Variants in PCSK5 observed in about 807,000 individuals in gnomAD.
PCSK5 encodes prohormone convertase 5.
A neutral mutation model predicts 233.2 loss-of-function variants in PCSK5; 129 were observed. The ratio of observed to expected loss-of-function variants is 0.55; its 90% confidence interval spans 0.48 to 0.64. The LOEUF (loss-of-function observed/expected upper bound fraction) is 0.64, where lower values mean the gene tolerates loss of function less well. PCSK5 is among the 30% of genes least tolerant of loss of function. PCSK5 has a pLI of 0.00. For synonymous variants in PCSK5, 825 were observed against 879.2 expected (o/e 0.94, Z 1.09); for missense variants, 2,076 against 2,430.1 (o/e 0.85, Z 3.06).
At chr9:76,065,055 C>T (rs1156634702) in intron 5 of PCSK5, among the ~76,000 whole-genome samples, 1 of 152,342 alleles carries the variant, frequency 6.6e-6, no homozygotes, top group South Asian at 2.1e-4. Flanking sequence ...ATTCATTCAT[C>T]TGTTGATGGA....
chr9:76,022,012 G>A (rs368442130), intron 3 of PCSK5, among the ~76,000 whole-genome samples: 1 of 152,092 alleles, frequency 6.6e-6, no homozygotes, highest in Non-Finnish European at 1.5e-5. Context: ...TCCTCTACCA[G>A]GACACTTGTC....
At chr9:76,059,499 G>A (rs984557916) in intron 5 of PCSK5, among the ~76,000 whole-genome samples, 1 of 152,104 alleles carries the variant, frequency 6.6e-6, no homozygotes, top group South Asian at 2.1e-4. Context: ...TAGGTCTAAC[G>A]TTTAAGTCTT....
At chr9:75,952,111 A>G (rs544658122) in intron 2 of PCSK5, among the ~76,000 whole-genome samples, 16 of 152,316 alleles carry the variant, frequency 1.1e-4, no homozygotes, top group Non-Finnish European at 2.4e-4. Context: ...TTATCCATTC[A>G]TTAATCCAGC....
chr9:76,345,412 T>C (rs1174542563), intron 35 of PCSK5, among the ~76,000 whole-genome samples: 1 of 151,880 alleles, frequency 6.6e-6, no homozygotes, highest in South Asian at 2.1e-4. Flanking sequence ...TTCGTATTCT[T>C]TGTTTGTTTG....
chr9:75,930,448 G>A (rs749676924), intron 1 of PCSK5, among the ~76,000 whole-genome samples: 7 of 152,132 alleles, frequency 4.6e-5, no homozygotes, highest in South Asian at 2.1e-4. Context: ...TGAAGCGTAC[G>A]GAATAGTTCC....
At chr9:76,157,629 A>G (rs1183851921) in intron 11 of PCSK5, among the ~76,000 whole-genome samples, 1 of 151,946 alleles carries the variant, frequency 6.6e-6, no homozygotes, top group Admixed American at 6.5e-5. Context: ...AGGGTTTGCC[A>G]ACAGGATTCT....
At chr9:76,269,910 A>G (rs973547641) in intron 24 of PCSK5, among the ~76,000 whole-genome samples, 4 of 152,262 alleles carry the variant, frequency 2.6e-5, no homozygotes, top group Admixed American at 2.6e-4. Context: ...ATTAATGAAT[A>G]GAAAGTGATC....
intron 9 of PCSK5, among the ~76,000 whole-genome samples, chr9:76,115,125 C>G (rs76538890): frequency 5.9e-5 from 9 of 152,024 alleles, no homozygotes; most frequent in Admixed American, 4.6e-4. Flanking sequence ...AAATAGATAC[C>G]CTTTATTCTC....
intron 24 of PCSK5, among the ~76,000 whole-genome samples, chr9:76,267,961 AC>A (rs1356900727): frequency 7.0e-6 from 1 of 142,292 alleles, no homozygotes; most frequent in East Asian, 1.9e-4. Flanking sequence ...ACACACACAC[AC>A]ACACACACAC....
chr9:76,050,962 C>T (rs186049470), intron 5 of PCSK5, among the ~76,000 whole-genome samples: 16 of 152,262 alleles, frequency 1.1e-4, no homozygotes, highest in African/African-American at 3.9e-4. Flanking sequence ...GGGGATATGA[C>T]AGTCATTTTA....
At chr9:76,180,282 A>G (rs1422428001) in intron 15 of PCSK5, among the ~76,000 whole-genome samples, 1 of 152,068 alleles carries the variant, frequency 6.6e-6, no homozygotes, top group Non-Finnish European at 1.5e-5. Flanking sequence ...CATGAGGTAC[A>G]ATAGATTTCT....
At position 76,289,469 on chromosome 9, in the gene PCSK5, CCACACACACACACACACACACA is replaced by C. The variant is rs201456283; in HGVS notation, c.3143-2744_3143-2723del. Among the ~76,000 whole-genome samples, 14 of 129,862 alleles carry C rather than the reference CCACACACACACACACACACACA, an allele frequency of 1.1e-4. No individual in the cohort carries two copies. The Admixed American group carries it at 1.1e-3, about 10-fold the overall frequency. 85.2% of individuals were successfully genotyped at this position (129,862 alleles called of 152,430 possible). ...TAAGACTCCCTTCCCATTCCCCTCA[CCACACACACACACACACACACA>C]CACACACACACACACACACGCAACA... is the stretch of plus-strand genomic sequence containing the variant. On this transcript the variant is annotated intron_variant, in intron 24 of 37. Transcript: ENST00000674117.
At chr9:76,137,894 C>G (rs1424640569) in intron 10 of PCSK5, among the ~76,000 whole-genome samples, 1 of 152,038 alleles carries the variant, frequency 6.6e-6, no homozygotes, top group African/African-American at 2.4e-5. Flanking sequence ...TCCCCTTGAT[C>G]CCTTCCCTTT....
At chr9:76,223,828 A>G (rs1219509774) in intron 20 of PCSK5, among the ~76,000 whole-genome samples, 1 of 152,210 alleles carries the variant, frequency 6.6e-6, no homozygotes, top group Admixed American at 6.5e-5. Flanking sequence ...TGTGCAATGA[A>G]GACAGATGAC....
chr9:76,003,655 C>A (rs1827353173), intron 3 of PCSK5, among the ~76,000 whole-genome samples: 1 of 152,164 alleles, frequency 6.6e-6, no homozygotes, highest in African/African-American at 2.4e-5. Flanking sequence ...CCTGTATAAC[C>A]AAAGTACCAC....
chr9:76,338,501 C>G (rs953965893), intron 35 of PCSK5, 54 bp downstream of exon 35: 1 of 1,325,534 alleles, frequency 7.5e-7, no homozygotes, highest in Non-Finnish European at 1.1e-6. Context: ...AAAAGGTTTT[C>G]TTCCTTATTT....
chr9:76,004,591 T>G (rs2131436843), intron 3 of PCSK5, among the ~76,000 whole-genome samples: 1 of 152,314 alleles, frequency 6.6e-6, no homozygotes. Flanking sequence ...GCTTGCGAGG[T>G]GTTGGTTTTC....
intron 35 of PCSK5, among the ~76,000 whole-genome samples, chr9:76,342,011 C>A (rs1478275062): frequency 2.6e-5 from 4 of 152,192 alleles, no homozygotes; most frequent in Non-Finnish European, 4.4e-5. Flanking sequence ...TACTTCTAGT[C>A]CTGGAGCAGA....
At chr9:76,115,136 C>T (rs903381369) in intron 9 of PCSK5, among the ~76,000 whole-genome samples, 3 of 151,964 alleles carry the variant, frequency 2.0e-5, no homozygotes, top group Non-Finnish European at 4.4e-5. Context: ...CTTTATTCTC[C>T]CCATGGGATT....
Sources: gnomAD v4.1 joint callset for allele counts (sites outside exome capture counted in the v4.1 genomes callset) on GRCh38, gnomAD v4.1.1 for gene constraint, MANE v1.5 for transcripts, NCBI Gene and HGNC (gene_info 2026-07-23, HGNC 2026-07-21) for gene names.